Variants in CARMIL2 observed in about 807,000 individuals in gnomAD.
The protein encoded by CARMIL2 is capping protein regulator and myosin 1 linker 2, also known as capping protein, Arp2/3 and myosin-I linker protein 2.
In CARMIL2, 96 loss-of-function variants were observed where a neutral mutation model predicts 173.3. That is an observed-to-expected ratio of 0.55 (90% CI 0.47 to 0.66). The LOEUF (loss-of-function observed/expected upper bound fraction) is 0.66. Among genes scored for constraint, CARMIL2 ranks in the 30% least tolerant of loss-of-function variants. The pLI, the probability that CARMIL2 is intolerant of heterozygous loss-of-function variation, is 0.00. For synonymous variants in CARMIL2, 830 were observed against 817.1 expected (o/e 1.02, Z -0.27); for missense variants, 1,771 against 1,906.7 (o/e 0.93, Z 1.33).
chr16:67,656,852 T>C lies in CARMIL2; in HGVS notation c.4088T>C (p.Val1363Ala), dbSNP rs949105783. ...TCGGCAGGGCGGCGAGCAGTGTCTGTGCATGAGGACCAGCTCCAGGCCCCT... is the reference window on the plus strand; with the variant it reads ...TCGGCAGGGCGGCGAGCAGTGTCTGCGCATGAGGACCAGCTCCAGGCCCCT... Reference protein sequence around the residue: ...PLSAGRRAVSVHEDQLQAPAE... With the variant: ...PLSAGRRAVSAHEDQLQAPAE... The change falls in exon 36 of 38, where the codon GTG becomes GCG. Residue 1363 changes from valine to alanine, a missense_variant. Transcript: ENST00000334583. 109 of 1,550,238 alleles carry C rather than the reference T, an allele frequency of 7.0e-5. No individual in the cohort carries two copies. The highest frequency in any genetic ancestry group is 9.3e-5 in the Non-Finnish European group (107 of 1,146,612).
chr16:67,653,326 TGGTAGC>T lies in CARMIL2; in HGVS notation c.3120+76_3120+81del, dbSNP rs1411786997. On this transcript the variant is annotated intron_variant, in intron 29 of 37. Coordinates refer to ENST00000334583, the MANE Select transcript of CARMIL2 (RefSeq NM_001013838.3). This position sits in a 1 kb window ranked among gnomAD's most constrained non-coding sequence, Gnocchi z 7.4. The stretch of plus-strand genomic sequence containing the variant: ...GGGTGGCCCGGCCGCTCCTCATGGG[TGGTAGC>T]GGTCAAGGAGAGGGGGTGGTGGGGG... 4.0e-6 allele frequency: 3 copies of T among 758,514 alleles called. No individual in the cohort carries two copies. In the African/African-American group the frequency reaches 5.6e-5, roughly 14 times the overall value. The allele number at this position is 758,514 out of a possible 1,614,324, so 47.0% of individuals were successfully genotyped here.
Position 67,648,902 on chromosome 16 carries a change from G to A in CARMIL2, c.1519G>A (p.Ala507Thr). The A allele has an allele frequency of 6.2e-7, 1 of 1,605,836 alleles. No individual in the cohort carries two copies. Among genetic ancestry groups the A allele is most frequent in the East Asian group, 2.3e-5 (1 of 44,356 alleles). Residue 507 changes from alanine to threonine, a missense_variant, in exon 17 of 38, where the codon GCC becomes ACC. By Grantham distance (58) the Ala-to-Thr change is moderately conservative. Coordinates refer to ENST00000334583, the MANE Select transcript of CARMIL2 (RefSeq NM_001013838.3). The surrounding 1 kb of genome is among the most constrained non-coding windows in gnomAD (Gnocchi z 6.1). Reference sequence around the variant, plus strand: ...CACCTCCCACATACAGCTGCGCTCGGCCGGCGCCCAGGTGATACAAGACTT... The same window carrying A: ...CACCTCCCACATACAGCTGCGCTCGACCGGCGCCCAGGTGATACAAGACTT... ...LDLSACELRSAGAQVIQDLVC... is the reference protein window; with the variant it reads ...LDLSACELRSTGAQVIQDLVC...
Position 67,652,984 on chromosome 16 carries a change from C to T in CARMIL2, c.2885-35C>T, listed in dbSNP as rs1297370719. The T allele has an allele frequency of 1.1e-5, 13 of 1,157,034 alleles. No individual in the cohort carries two copies. Among genetic ancestry groups the T allele is most frequent in the Non-Finnish European group, 1.5e-5 (13 of 894,320 alleles). 71.7% of individuals were successfully genotyped at this position (1,157,034 alleles called of 1,614,324 possible). ...GCCTCCGCCGCCACCTCCCCGGGCT[C>T]GGCGCTCGGTGCTCTTCTGGTGCTG... On this transcript the variant is annotated intron_variant, in intron 28 of 37. Transcript: ENST00000334583. The surrounding 1 kb of genome is among the most constrained non-coding windows in gnomAD (Gnocchi z 4.7).
rs1442471563 is a variant in CARMIL2 at position 67,649,567 on chromosome 16, G to A, written c.1867G>A (p.Asp623Asn). 3 of 1,602,050 alleles carry A rather than the reference G, an allele frequency of 1.9e-6. No individual in the cohort carries two copies. The highest frequency in any genetic ancestry group is 2.2e-5 in the South Asian group (2 of 91,072). ...GGATATCAGCGGCAACGCCATGGGG[G>A]ACGCGGGCGCCAAGTTGCTGGCCAA... is the stretch of plus-strand genomic sequence containing the variant. Reference protein sequence around the residue: ...ALDISGNAMGDAGAKLLAKAL... With the variant: ...ALDISGNAMGNAGAKLLAKAL... Residue 623 changes from aspartate to asparagine, a missense_variant, in exon 20 of 38, where the codon GAC (aspartate) becomes AAC (asparagine). This residue lies in a region of CARMIL2 where 944 missense variants were observed against 975.6 expected (regional missense o/e 0.97). Coordinates refer to ENST00000334583, the MANE Select transcript of CARMIL2 (RefSeq NM_001013838.3). The surrounding 1 kb of genome is among the most constrained non-coding windows in gnomAD (Gnocchi z 6.7).
Position 67,654,368 on chromosome 16 carries a change from C to T in CARMIL2, c.3258C>T (p.Gly1086=), listed in dbSNP as rs970199921. 2.1e-5 allele frequency: 34 copies of T among 1,602,612 alleles called. No homozygotes were observed. The highest frequency in any genetic ancestry group is 3.4e-5 in the South Asian group (3 of 89,086). ...APEEDPATEG[G]ATPVPRTLRK... is the part of the protein sequence containing the mutation. ...AGGAGGACCCGGCCACTGAGGGGGG[C>T]GCCACTCCTGTCCCCCGTACACTGC... is the stretch of plus-strand genomic sequence containing the variant. The change falls in exon 31 of 38, where the codon GGC becomes GGT. Residue 1086 remains glycine, a synonymous_variant. Coordinates refer to ENST00000334583, the MANE Select transcript of CARMIL2 (RefSeq NM_001013838.3).
At position 67,648,684 on chromosome 16, in the gene CARMIL2, G is replaced by T. The variant is rs1328632985; in HGVS notation, c.1440-1G>T. The T allele has an allele frequency of 1.2e-6, 2 of 1,604,764 alleles. No individual in the cohort carries two copies. The highest frequency in any genetic ancestry group is 1.3e-5 in the African/African-American group (1 of 74,770). ...CCACCCCGTGTAACGTCCTCTCCCA[G>T]AGCCCTTTTGGATGGCCTCGCGCTC... On this transcript the variant is annotated splice_acceptor_variant, in intron 15 of 37. Transcript: ENST00000334583. LOFTEE classifies it high-confidence loss of function. This position sits in a 1 kb window ranked among gnomAD's most constrained non-coding sequence, Gnocchi z 6.1.
Position 67,652,708 on chromosome 16 carries a change from G to A in CARMIL2, c.2884+170G>A, listed in dbSNP as rs2052749789. 6.6e-6 allele frequency among the ~76,000 whole-genome samples: 1 copy of A among 152,184 alleles called. No homozygotes were observed. The highest frequency in any genetic ancestry group is 2.4e-5 in the African/African-American group (1 of 41,468). On this transcript the variant is annotated intron_variant, in intron 28 of 37. Transcript: ENST00000334583. The surrounding 1 kb of genome is among the most constrained non-coding windows in gnomAD (Gnocchi z 4.7). ...AACCTGCAAAGCTGGGGTCTGCTGT[G>A]GTCAGCCCGGGGCGGGACCTGGGCG...
Position 67,648,336 on chromosome 16 carries a change from CG to C in CARMIL2, c.1334+27del. ...GCACGTAAGGGGGACCTGTCGGGGC[CG>C]GGGGAGGCTGCTGGAAGCCGCCTCC... On this transcript the variant is annotated intron_variant, in intron 14 of 37. Transcript: ENST00000334583. The surrounding 1 kb of genome is among the most constrained non-coding windows in gnomAD (Gnocchi z 6.1). 6 of 1,571,696 alleles carry C rather than the reference CG, an allele frequency of 3.8e-6. No homozygotes were observed. Among genetic ancestry groups the C allele is most frequent in the Admixed American group, 1.8e-5 (1 of 55,246 alleles).
In CARMIL2 at chr16:67,652,712, A is replaced by T. The variant is rs962238112; in HGVS notation, c.2884+174A>T. ...TGCAAAGCTGGGGTCTGCTGTGGTC[A>T]GCCCGGGGCGGGACCTGGGCGGATC... On this transcript the variant is annotated intron_variant, in intron 28 of 37. Transcript: ENST00000334583. The surrounding 1 kb of genome is among the most constrained non-coding windows in gnomAD (Gnocchi z 4.7). Among the ~76,000 whole-genome samples the T allele has an allele frequency of 6.6e-6, 1 of 152,174 alleles. No individual in the cohort carries two copies. Among genetic ancestry groups the T allele is most frequent in the Non-Finnish European group, 1.5e-5 (1 of 68,002 alleles).
At position 67,648,246 on chromosome 16, in the gene CARMIL2, A is replaced by C. The variant is rs372932217; in HGVS notation, c.1266A>C (p.Ala422=). The part of the protein sequence containing the change: ...VANSLPPQLF[A]AVSRGCCTSL... ...ACAGCCTCCCCCCGCAGCTCTTCGC[A>C]GCGGTATCCCGAGGCTGCTGCACCA... Residue 422 remains alanine, a synonymous_variant, in exon 14 of 38, where the codon GCA becomes GCC. Coordinates refer to ENST00000334583, the MANE Select transcript of CARMIL2 (RefSeq NM_001013838.3). The surrounding 1 kb of genome is among the most constrained non-coding windows in gnomAD (Gnocchi z 6.1). 2.2e-5 allele frequency: 35 copies of C among 1,600,286 alleles called. No homozygotes were observed. Among genetic ancestry groups the C allele is most frequent in the Non-Finnish European group, 2.9e-5 (34 of 1,176,216 alleles).
Position 67,652,282 on chromosome 16 carries a change from G to A in CARMIL2, c.2760G>A (p.Glu920=). The A allele has an allele frequency of 1.2e-6, 2 of 1,613,394 alleles. No individual in the cohort carries two copies. The highest frequency in any genetic ancestry group is 1.7e-6 in the Non-Finnish European group (2 of 1,179,850). ...ATGGAGGTGAGCCCAGCCTCCTTGA[G>A]CCTGGGGAATTGGAAGGTCTTTTCT... ...APDGGEPSLL[E]PGELEGLFFP... The change falls in exon 27 of 38, where the codon GAG becomes GAA. Residue 920 remains glutamate, a synonymous_variant. Coordinates refer to ENST00000334583, the MANE Select transcript of CARMIL2 (RefSeq NM_001013838.3). This position sits in a 1 kb window ranked among gnomAD's most constrained non-coding sequence, Gnocchi z 4.7.
In CARMIL2 at chr16:67,648,866, T is replaced by TTCCCACCTCCCACC; in HGVS notation, c.1510-20_1510-7dup. ...CACTCGCGGCCTAAGTGGGTCCCAC[T>TTCCCACCTCCCACC]TCCCACCTCCCACCTCCCACATACA... On this transcript the variant is annotated intron_variant, in intron 16 of 37. Transcript: ENST00000334583. The surrounding 1 kb of genome is among the most constrained non-coding windows in gnomAD (Gnocchi z 6.1). The TTCCCACCTCCCACC allele has an allele frequency of 6.3e-7, 1 of 1,592,394 alleles. No individual in the cohort carries two copies. Among genetic ancestry groups the TTCCCACCTCCCACC allele is most frequent in the Middle Eastern group, 1.7e-4 (1 of 6,038 alleles).
At chr16:67,656,667 C>A (rs2052863959) in intron 35 of CARMIL2, 22 bp downstream of exon 35, 1 of 1,574,962 alleles carries the variant, frequency 6.3e-7, no homozygotes, top group Admixed American at 1.8e-5. Flanking sequence ...CCTGATTCCC[C>A]ACCCCAATCC....
At chr16:67,656,740 G>C in intron 35 of CARMIL2, 61 bp from the exon 36 acceptor site, 2 of 1,559,176 alleles carry the variant, frequency 1.3e-6, no homozygotes, top group South Asian at 1.2e-5. Flanking sequence ...CTGAGGGTGG[G>C]AGGCAAGGGC....
At chr16:67,645,672 C>T in intron 2 of CARMIL2, 41 bp downstream of exon 2, 1 of 1,613,164 alleles carries the variant, frequency 6.2e-7, no homozygotes, top group Non-Finnish European at 8.5e-7. Flanking sequence ...GGCTGTGGCC[C>T]CACAGAAAGA....
rs1183450131 is a variant in CARMIL2 at position 67,651,819 on chromosome 16, G to T, written c.2562G>T (p.Leu854=). 1.2e-6 allele frequency: 2 copies of T among 1,612,034 alleles called. No individual in the cohort carries two copies. The highest frequency in any genetic ancestry group is 1.3e-5 in the African/African-American group (1 of 75,012). ...TCCCGGAGCTGCTCCCAGAGCAGCT[G>T]CTGCAAGATGCCTTCACTAGGCTCA... ...RGLPELLPEQ[L]LQDAFTRLRD... is the part of the protein sequence containing the mutation. The change falls in exon 25 of 38, where the codon CTG becomes CTT. Residue 854 remains leucine, a synonymous_variant. Coordinates refer to ENST00000334583, the MANE Select transcript of CARMIL2 (RefSeq NM_001013838.3). This position sits in a 1 kb window ranked among gnomAD's most constrained non-coding sequence, Gnocchi z 4.2.
intron 29 of CARMIL2, 64 bp from the exon 30 acceptor site, chr16:67,654,085 G>GGT: frequency 9.6e-7 from 1 of 1,046,908 alleles, no homozygotes; most frequent in Non-Finnish European, 1.3e-6. Flanking sequence ...CCGGCCGGGG[G>GGT]GGGGGGGGGG....
chr16:67,647,084 G>A, intron 8 of CARMIL2, 32 bp from the exon 9 acceptor site: 2 of 1,612,576 alleles, frequency 1.2e-6, no homozygotes, highest in African/African-American at 2.7e-5. Flanking sequence ...GGAGGGCCCT[G>A]AGCTCTGCCT....
At chr16:67,655,130 A>G (rs1018193971) in intron 32 of CARMIL2, among the ~76,000 whole-genome samples, 1 of 152,230 alleles carries the variant, frequency 6.6e-6, no homozygotes, top group African/African-American at 2.4e-5. Context: ...CTGCAGGTCT[A>G]ATAGAAATCT....
Sources: gnomAD v4.1 joint callset for allele counts (sites outside exome capture counted in the v4.1 genomes callset) on GRCh38, gnomAD v4.1.1 for gene constraint, gnomAD v4.1.1 regional missense constraint, Gnocchi (gnomAD v3.1) non-coding constraint, MANE v1.5 for transcripts, NCBI Gene and HGNC (gene_info 2026-07-23, HGNC 2026-07-21) for gene names.